The following CLASP1 variants were observed in gnomAD, a reference collection of about 807,000 sequenced individuals.
The protein encoded by CLASP1 is CLIP-associating protein 1.
A neutral mutation model predicts 192.3 loss-of-function variants in CLASP1; 38 were observed. The ratio of observed to expected loss-of-function variants is 0.20; its 90% CI spans 0.15 to 0.26. CLASP1 has a LOEUF of 0.26. Among genes scored for constraint, CLASP1 ranks in the 10% least tolerant of loss-of-function variants. The probability of loss-of-function intolerance (pLI) is 1.00; values close to 1 mark genes in which losing one functional copy is unlikely to be tolerated. For missense variants in CLASP1, 1,433 were observed against 1,932.5 expected (o/e 0.74, Z 4.85); for synonymous variants, 691 against 712.8 (o/e 0.97, Z 0.49).
chr2:121,461,180 C>T (rs1171540631), exon 11 of CLASP1: 3 of 1,591,642 alleles, frequency 1.9e-6, no homozygotes, highest in Non-Finnish European at 1.7e-6. Context: ...CTCAAGGTCT[C>T]GGCTGGAATA....
chr2:121,404,699 CTTAT>C (rs2076659445), intron 25 of CLASP1, among the ~76,000 whole-genome samples: 1 of 152,088 alleles, frequency 6.6e-6, no homozygotes, highest in African/African-American at 2.4e-5. Flanking sequence ...TTCACAAACT[CTTAT>C]TTAATTTATA....
intron 6 of CLASP1, among the ~76,000 whole-genome samples, chr2:121,523,804 T>C (rs1177478257): frequency 6.6e-6 from 1 of 152,154 alleles, no homozygotes; most frequent in Non-Finnish European, 1.5e-5. Context: ...ATCAAGCTAG[T>C]AATCTCCATC....
chr2:121,365,740 A>G (rs2067287761), intron 35 of CLASP1, among the ~76,000 whole-genome samples: 1 of 152,190 alleles, frequency 6.6e-6, no homozygotes, highest in Non-Finnish European at 1.5e-5. Flanking sequence ...CCTCCTCACC[A>G]TCACATCTGA....
chr2:121,388,802 A>G (rs1448425961), intron 30 of CLASP1, among the ~76,000 whole-genome samples: 2 of 152,212 alleles, frequency 1.3e-5, no homozygotes, highest in Non-Finnish European at 2.9e-5. Context: ...GACATAAAAA[A>G]CTGTCTGTGA....
chr2:121,605,907 A>G, exon 2 of CLASP1: 1 of 1,611,966 alleles, frequency 6.2e-7, no homozygotes, highest in Non-Finnish European at 8.5e-7. Flanking sequence ...GTGGAATTCA[A>G]ATCCAGATCC....
intron 28 of CLASP1, 25 bp downstream of exon 29, chr2:121,401,484 A>G (rs2076151132): frequency 6.3e-7 from 1 of 1,580,952 alleles, no homozygotes. Context: ...TAACATCAAA[A>G]TGGACCTAAC....
At chr2:121,633,906 C>G (rs374948180) in intron 1 of CLASP1, among the ~76,000 whole-genome samples, 6 of 151,658 alleles carry the variant, frequency 4.0e-5, no homozygotes, top group African/African-American at 1.2e-4. Flanking sequence ...ACTCGGTAGG[C>G]TGAGGCAGGA....
exon 25 of CLASP1, chr2:121,407,649 C>A (rs1449286533): frequency 2.5e-6 from 4 of 1,613,890 alleles, no homozygotes; most frequent in Non-Finnish European, 3.4e-6. Context: ...ACACTTGAGG[C>A]ATCACTGTTG....
chr2:121,604,575 G>A (rs576576549), intron 2 of CLASP1, among the ~76,000 whole-genome samples: 1 of 152,278 alleles, frequency 6.6e-6, no homozygotes, highest in East Asian at 1.9e-4. Flanking sequence ...GGCTGAGGTG[G>A]GAGGATTGCT....
chr2:121,504,730 C>G (rs1281723829), intron 7 of CLASP1, among the ~76,000 whole-genome samples: 5 of 152,198 alleles, frequency 3.3e-5, no homozygotes, highest in African/African-American at 1.2e-4. Flanking sequence ...GGGGGATGAA[C>G]CAGCCTGATG....
At chr2:121,605,612 C>T (rs2064332934) in intron 2 of CLASP1, 89 bp downstream of exon 2, 1 of 875,466 alleles carries the variant, frequency 1.1e-6, no homozygotes, top group African/African-American at 1.7e-5. Context: ...AGCATGCTGA[C>T]TGCTCACAAG....
intron 2 of CLASP1, among the ~76,000 whole-genome samples, chr2:121,594,169 G>A (rs564203174): frequency 1.3e-3 from 189 of 149,162 alleles, no homozygotes; most frequent in African/African-American, 4.5e-3. Flanking sequence ...GCGTGGTGGC[G>A]GGCGCCTGTA....
intron 33 of CLASP1, among the ~76,000 whole-genome samples, chr2:121,380,914 T>C (rs908713004): frequency 6.6e-6 from 1 of 152,152 alleles, no homozygotes; most frequent in Non-Finnish European, 1.5e-5. Context: ...GGAGGGGCAA[T>C]CTTGATGGCT....
At chr2:121,352,454 G>A (rs1433900816) in intron 37 of CLASP1, among the ~76,000 whole-genome samples, 2 of 152,226 alleles carry the variant, frequency 1.3e-5, no homozygotes, top group African/African-American at 2.4e-5. Flanking sequence ...CAGGTCACCT[G>A]AAAGCAGAGT....
intron 39 of CLASP1, among the ~76,000 whole-genome samples, chr2:121,345,397 T>A: frequency 6.6e-6 from 1 of 151,948 alleles, no homozygotes; most frequent in East Asian, 1.9e-4. Context: ...TTCAAATGAG[T>A]TGATGGGACA....
intron 2 of CLASP1, among the ~76,000 whole-genome samples, chr2:121,588,173 C>CA (rs397769809): frequency 0.025 from 1,415 of 57,174 alleles, 8 homozygotes; most frequent in Non-Finnish European, 0.039. Flanking sequence ...GACTCCGTCT[C>CA]AAAAAAAAAA....
intron 2 of CLASP1, among the ~76,000 whole-genome samples, chr2:121,563,206 A>G (rs956177897): frequency 1.2e-4 from 19 of 152,340 alleles, no homozygotes; most frequent in African/African-American, 4.6e-4. Context: ...CAAGGATAAC[A>G]TAAGTGGGCA....
intron 23 of CLASP1, among the ~76,000 whole-genome samples, chr2:121,414,816 C>A (rs530030978): frequency 5.3e-5 from 8 of 152,274 alleles, no homozygotes; most frequent in African/African-American, 1.7e-4. Flanking sequence ...CAAGGTCTCA[C>A]TCTGTTGCCC....
chr2:121,628,118 A>C (rs953323190), intron 1 of CLASP1, among the ~76,000 whole-genome samples: 1 of 152,250 alleles, frequency 6.6e-6, no homozygotes, highest in Non-Finnish European at 1.5e-5. Context: ...TGCTTTTACT[A>C]AAATGAAATT....
Sources: allele counts gnomAD v4.1 joint callset (sites outside exome capture counted in the v4.1 genomes callset), GRCh38; gene constraint gnomAD v4.1.1; transcripts MANE v1.5; gene names NCBI Gene and HGNC (gene_info 2026-07-23, HGNC 2026-07-21).